MGAT5: variants seen among roughly 807,000 people sequenced by gnomAD.
MGAT5 encodes alpha-1,6-mannosylglycoprotein 6-beta-N-acetylglucosaminyltransferase.
Under a neutral mutation model 94.3 loss-of-function variants are expected in MGAT5, and 30 were observed. The ratio of observed to expected loss-of-function variants is 0.32; its 90% CI spans 0.24 to 0.43. The LOEUF (loss-of-function observed/expected upper bound fraction) is 0.43, where lower values mean the gene tolerates loss of function less well. MGAT5 is among the 20% of genes least tolerant of loss of function. The pLI is 1.00. For synonymous variants in MGAT5, 310 were observed against 322.9 expected (o/e 0.96, Z 0.43); for missense variants, 691 against 905.5 (o/e 0.76, Z 3.04).
intron 15 of MGAT5, among the ~76,000 whole-genome samples, chr2:134,443,205 T>G (rs1346035869): frequency 1.4e-5 from 2 of 145,166 alleles, no homozygotes; most frequent in East Asian, 2.0e-4. Context: ...TGTTGTTGTT[T>G]TTGAGACAGG....
At chr2:134,136,335 G>A (rs1686409745) in intron 1 of MGAT5, among the ~76,000 whole-genome samples, 1 of 152,200 alleles carries the variant, frequency 6.6e-6, no homozygotes, top group Non-Finnish European at 1.5e-5. Flanking sequence ...GGGAGGCCGA[G>A]GTGGGCGGAC....
At chr2:134,348,661 G>C (rs4954136) in intron 8 of MGAT5, among the ~76,000 whole-genome samples, 83,078 of 152,020 alleles carry the variant, frequency 0.55, 25,353 homozygotes, top group Admixed American at 0.67. Flanking sequence ...TAAAATGTGG[G>C]TTTCAATCTT....
intron 10 of MGAT5, among the ~76,000 whole-genome samples, chr2:134,394,544 C>T (rs1300063358): frequency 1.3e-5 from 2 of 152,078 alleles, no homozygotes; most frequent in Non-Finnish European, 2.9e-5. Flanking sequence ...ATAGAATTCT[C>T]CCCCCTTCTT....
intron 2 of MGAT5, among the ~76,000 whole-genome samples, chr2:134,275,833 C>T (rs548484924): frequency 5.3e-5 from 8 of 152,090 alleles, no homozygotes; most frequent in African/African-American, 1.7e-4. Context: ...AACGATCCTC[C>T]CACCTCAGCC....
intron 12 of MGAT5, among the ~76,000 whole-genome samples, chr2:134,414,033 CTG>C (rs1407733706): frequency 6.6e-6 from 1 of 152,080 alleles, no homozygotes; most frequent in Non-Finnish European, 1.5e-5. Flanking sequence ...CTGACCCTTC[CTG>C]TCATTGGTGA....
chr2:134,157,583 G>A (rs1687534015), intron 1 of MGAT5, among the ~76,000 whole-genome samples: 1 of 152,050 alleles, frequency 6.6e-6, no homozygotes, highest in South Asian at 2.1e-4. Context: ...ATGGACTGGT[G>A]GTTGTGGGGG....
intron 2 of MGAT5, among the ~76,000 whole-genome samples, chr2:134,313,171 C>A (rs72978164): frequency 6.6e-6 from 1 of 151,834 alleles, no homozygotes; most frequent in Non-Finnish European, 1.5e-5. Flanking sequence ...CCTCTGTACA[C>A]GTCTCTCTCG....
chr2:134,190,399 T>G (rs1329879257), intron 1 of MGAT5, among the ~76,000 whole-genome samples: 1 of 152,248 alleles, frequency 6.6e-6, no homozygotes, highest in Non-Finnish European at 1.5e-5. Context: ...CTTCTCACTT[T>G]CATGAATTTC....
intron 8 of MGAT5, among the ~76,000 whole-genome samples, chr2:134,349,422 C>G (rs1390199691): frequency 1.3e-5 from 2 of 152,150 alleles, no homozygotes; most frequent in Non-Finnish European, 1.5e-5. Context: ...GATGGTAGCT[C>G]TGTTTCTTTG....
intron 11 of MGAT5, among the ~76,000 whole-genome samples, chr2:134,405,411 T>C (rs1035026157): frequency 1.3e-5 from 2 of 152,170 alleles, no homozygotes; most frequent in Non-Finnish European, 2.9e-5. Context: ...GTGACAAGGA[T>C]GGGGCAGCGT....
At chr2:134,370,198 T>C (rs1257373282) in intron 10 of MGAT5, among the ~76,000 whole-genome samples, 1 of 152,236 alleles carries the variant, frequency 6.6e-6, no homozygotes, top group Admixed American at 6.5e-5. Flanking sequence ...TCTTAGCTCA[T>C]TGTTTTAATG....
chr2:134,142,064 G>A (rs1205870884), intron 1 of MGAT5, among the ~76,000 whole-genome samples: 1 of 152,196 alleles, frequency 6.6e-6, no homozygotes. Context: ...GAAGTGGAGC[G>A]AGTGAGGAGA....
At chr2:134,165,286 G>C (rs988948111) in intron 1 of MGAT5, among the ~76,000 whole-genome samples, 3 of 152,188 alleles carry the variant, frequency 2.0e-5, no homozygotes, top group African/African-American at 7.2e-5. Context: ...GTCCTAGTGG[G>C]GCTGGCTCAT....
intron 1 of MGAT5, among the ~76,000 whole-genome samples, chr2:134,143,542 C>T (rs950992724): frequency 6.6e-6 from 1 of 152,014 alleles, no homozygotes; most frequent in Non-Finnish European, 1.5e-5. Context: ...CTCGGCGCAT[C>T]CTGGATGCCT....
Position 134,372,626 on chromosome 2 carries a change from C to T in MGAT5, c.1380+10218C>T, listed in dbSNP as rs571103603. On this transcript the variant is annotated intron_variant, in intron 10 of 15. Transcript: ENST00000281923. ...TACACTGTAGAGCTAGAGCAGGCCA[C>T]TCATGGTACAAATGTTTGAATGATG... Among the ~76,000 whole-genome samples the T allele has an allele frequency of 1.6e-4, 24 of 152,288 alleles. No homozygotes were observed. In the South Asian group the frequency reaches 5.0e-3, roughly 32 times the overall value.
intron 1 of MGAT5, among the ~76,000 whole-genome samples, chr2:134,245,729 TG>T (rs1682221092): frequency 6.6e-6 from 1 of 152,180 alleles, no homozygotes; most frequent in South Asian, 2.1e-4. Context: ...TGGCAGAACC[TG>T]GGAATAGAGA....
intron 10 of MGAT5, among the ~76,000 whole-genome samples, chr2:134,396,495 T>C (rs1287608671): frequency 2.0e-5 from 3 of 152,224 alleles, no homozygotes; most frequent in Non-Finnish European, 4.4e-5. Context: ...TTAGGAGCAA[T>C]ATAAAAAGGA....
chr2:134,229,232 T>C (rs1573567215), intron 1 of MGAT5, among the ~76,000 whole-genome samples: 1 of 152,358 alleles, frequency 6.6e-6, no homozygotes, highest in South Asian at 2.1e-4. Flanking sequence ...TATCTGTGTC[T>C]TTCATTTTCT....
At chr2:134,205,147 G>A (rs1460898001) in intron 1 of MGAT5, among the ~76,000 whole-genome samples, 1 of 152,190 alleles carries the variant, frequency 6.6e-6, no homozygotes, top group South Asian at 2.1e-4. Context: ...AGGTCAAGGG[G>A]TAGGCAGTGG....
Sources: gnomAD v4.1 joint callset for allele counts (sites outside exome capture counted in the v4.1 genomes callset) on GRCh38, gnomAD v4.1.1 for gene constraint, MANE v1.5 for transcripts, NCBI Gene and HGNC (gene_info 2026-07-23, HGNC 2026-07-21) for gene names.